WWOX: variants seen among roughly 807,000 people sequenced by gnomAD.
WWOX encodes the protein WW domain-containing oxidoreductase.
WWOX carries 69 observed loss-of-function variants against 46.2 expected under a neutral mutation model. The observed-to-expected ratio is 1.49, with a 90% CI of 1.23 to 1.82. The LOEUF (loss-of-function observed/expected upper bound fraction) is 1.82. Ranked by LOEUF, WWOX falls within the 40% of genes most tolerant of loss-of-function variation. The probability of loss-of-function intolerance (pLI) is 0.00; values close to 1 mark genes in which losing one functional copy is unlikely to be tolerated. For synonymous variants in WWOX, 359 were observed against 202.6 expected (o/e 1.77, Z -6.56); for missense variants, 919 against 542.6 (o/e 1.69, Z -6.89).
chr16:79,000,048 A>G (rs72791505), intron 8 of WWOX, among the ~76,000 whole-genome samples: 22,724 of 152,094 alleles, frequency 0.15, 1,789 homozygotes, highest in Middle Eastern at 0.31. Context: ...TGAAATAGCG[A>G]AAGGGTCTCT....
At chr16:79,018,007 G>A (rs2047451940) in intron 8 of WWOX, among the ~76,000 whole-genome samples, 1 of 152,218 alleles carries the variant, frequency 6.6e-6, no homozygotes, top group African/African-American at 2.4e-5. Flanking sequence ...ATGTACTGGG[G>A]CTAAAGATTT....
intron 8 of WWOX, chr16:78,525,395 C>G (rs2043440757): frequency 6.6e-6 from 1 of 151,932 alleles, no homozygotes; most frequent in Non-Finnish European, 1.5e-5. Flanking sequence ...CCATGCTAAC[C>G]AGGATGGTCT....
intron 8 of WWOX, among the ~76,000 whole-genome samples, chr16:78,853,564 C>A (rs938753850): frequency 1.3e-5 from 2 of 152,208 alleles, no homozygotes; most frequent in African/African-American, 4.8e-5. Flanking sequence ...CATGAATCTT[C>A]TTGACCATGA....
intron 8 of WWOX, among the ~76,000 whole-genome samples, chr16:78,461,016 G>A (rs1292567408): frequency 6.6e-6 from 1 of 152,224 alleles, no homozygotes; most frequent in African/African-American, 2.4e-5. Context: ...TTTCATACTT[G>A]AAGAGTGGAC....
chr16:79,080,677 C>T (rs945866585), intron 8 of WWOX, among the ~76,000 whole-genome samples: 1 of 152,132 alleles, frequency 6.6e-6, no homozygotes, highest in African/African-American at 2.4e-5. Context: ...GTTGAAAAAC[C>T]ATGGCTTAGC....
At chr16:78,384,463 C>T (rs1038840158) in intron 5 of WWOX, among the ~76,000 whole-genome samples, 1 of 152,130 alleles carries the variant, frequency 6.6e-6, no homozygotes, top group Non-Finnish European at 1.5e-5. Context: ...ATATCAGTTA[C>T]TCAGACAGCT....
intron 8 of WWOX, among the ~76,000 whole-genome samples, chr16:79,054,731 C>T (rs1019913733): frequency 7.9e-5 from 12 of 152,022 alleles, no homozygotes; most frequent in African/African-American, 2.4e-4. Flanking sequence ...GAAGGTGAGG[C>T]GAGAGGATTG....
chr16:78,907,321 A>G (rs919915934), intron 8 of WWOX, among the ~76,000 whole-genome samples: 4 of 152,208 alleles, frequency 2.6e-5, no homozygotes, highest in Non-Finnish European at 5.9e-5. Flanking sequence ...CAGAAGGCCA[A>G]CCTTAGGTTC....
chr16:78,703,271 T>A (rs1363548801), intron 8 of WWOX, among the ~76,000 whole-genome samples: 1 of 152,160 alleles, frequency 6.6e-6, no homozygotes, highest in Non-Finnish European at 1.5e-5. Context: ...CTACCTTGTT[T>A]CTCTCATAAG....
chr16:79,127,598 G>A (rs979191696), intron 8 of WWOX, among the ~76,000 whole-genome samples: 4 of 152,100 alleles, frequency 2.6e-5, no homozygotes, highest in African/African-American at 4.8e-5. Flanking sequence ...CGCTTCCCAC[G>A]TGCATGCATG....
chr16:79,073,743 C>A (rs1434128748), intron 8 of WWOX, among the ~76,000 whole-genome samples: 1 of 152,112 alleles, frequency 6.6e-6, no homozygotes, highest in Non-Finnish European at 1.5e-5. Flanking sequence ...GTTAGCAGAA[C>A]TGTCGTATCT....
intron 5 of WWOX, among the ~76,000 whole-genome samples, chr16:78,205,846 G>GTCCTTCCTTCCT (rs538463131): frequency 1.4e-5 from 2 of 145,068 alleles, no homozygotes; most frequent in African/African-American, 2.6e-5. Flanking sequence ...CCTTCCTTCC[G>GTCCTTCCTTCCT]TCCTTCCTTC....
intron 5 of WWOX, among the ~76,000 whole-genome samples, chr16:78,362,182 C>T (rs544817453): frequency 1.3e-4 from 20 of 152,022 alleles, no homozygotes; most frequent in Admixed American, 8.5e-4. Flanking sequence ...CTGTTAGGGA[C>T]GTGCTAATCT....
chr16:78,683,649 G>A (rs2047783862), intron 8 of WWOX, among the ~76,000 whole-genome samples: 1 of 152,092 alleles, frequency 6.6e-6, no homozygotes, highest in Non-Finnish European at 1.5e-5. Flanking sequence ...TGATCCTCCT[G>A]CCTCGGCTTC....
chr16:79,197,960 T>C (rs991587840), intron 8 of WWOX, among the ~76,000 whole-genome samples: 3 of 152,194 alleles, frequency 2.0e-5, no homozygotes, highest in African/African-American at 4.8e-5. Flanking sequence ...GGGGCAGTTA[T>C]AAATCTTCCC....
chr16:78,137,639 A>G (rs2033845027), intron 4 of WWOX, among the ~76,000 whole-genome samples: 1 of 152,192 alleles, frequency 6.6e-6, no homozygotes, highest in Non-Finnish European at 1.5e-5. Flanking sequence ...GTCATATGAA[A>G]CAGGGAAAAA....
At chr16:78,250,862 A>G (rs1175338644) in intron 5 of WWOX, among the ~76,000 whole-genome samples, 1 of 152,114 alleles carries the variant, frequency 6.6e-6, no homozygotes, top group African/African-American at 2.4e-5. Flanking sequence ...CCCTCCCCCT[A>G]ACAACCTCTA....
rs2080312061 is a variant in WWOX at position 78,314,388 on chromosome 16, AG to A, written c.517-72471del. On this transcript the variant is annotated intron_variant, in intron 5 of 8. Coordinates refer to ENST00000566780, the MANE Select transcript of WWOX (RefSeq NM_016373.4). Reference sequence around the variant, plus strand: ...GCCACTGCACTCCAGCCTGAGCAACAGAGTGAGACTCTGTCTCAAAAAAAAA... The same window carrying A: ...GCCACTGCACTCCAGCCTGAGCAACAAGTGAGACTCTGTCTCAAAAAAAAA... Among the ~76,000 whole-genome samples, 4 of 48,236 alleles carry A rather than the reference AG, an allele frequency of 8.3e-5. No homozygotes were observed. In the East Asian group the frequency reaches 0.014, roughly 175 times the overall value. 31.6% of individuals were successfully genotyped at this position (48,236 alleles called of 152,430 possible).
intron 8 of WWOX, among the ~76,000 whole-genome samples, chr16:79,123,279 A>T (rs2049677957): frequency 1.3e-5 from 2 of 152,218 alleles, no homozygotes; most frequent in South Asian, 2.1e-4. Flanking sequence ...GAGCATAAGG[A>T]TCTAAGTTTA....
Sources: allele counts gnomAD v4.1 joint callset (sites outside exome capture counted in the v4.1 genomes callset), GRCh38; gene constraint gnomAD v4.1.1; transcripts MANE v1.5; gene names NCBI Gene and HGNC (gene_info 2026-07-23, HGNC 2026-07-21).